Variants in BCAN observed in about 807,000 individuals in gnomAD.
The protein encoded by BCAN is brevican.
A neutral mutation model predicts 92.4 loss-of-function variants in BCAN; 51 were observed. The observed-to-expected ratio is 0.55, with a 90% CI of 0.44 to 0.70. The LOEUF (loss-of-function observed/expected upper bound fraction) is 0.70, where lower values mean the gene tolerates loss of function less well. BCAN is among the 30% of genes least tolerant of loss of function. The pLI, the probability that BCAN is intolerant of heterozygous loss-of-function variation, is 0.00. For synonymous variants in BCAN, 501 were observed against 505.2 expected (o/e 0.99, Z 0.11); for missense variants, 1,140 against 1,212.1 (o/e 0.94, Z 0.88).
In BCAN at chr1:156,655,841, T is replaced by C. The variant is rs147938168; in HGVS notation, c.1943-441T>C. 2.0e-4 allele frequency among the ~76,000 whole-genome samples: 31 copies of C among 152,342 alleles called. No homozygotes were observed. The East Asian group carries it at 4.6e-3, about 23-fold the overall frequency. Reference sequence around the variant, plus strand: ...GACTATACAGAACTGTGCTGGGACCTGGCACAAAGACAAGGGGGTGTGGCA... The same window carrying C: ...GACTATACAGAACTGTGCTGGGACCCGGCACAAAGACAAGGGGGTGTGGCA... On this transcript the variant is annotated intron_variant, in intron 8 of 13. Transcript: ENST00000329117.
At chr1:156,657,493 C>T (rs995250126) in intron 10 of BCAN, 182 bp from the exon 11 acceptor site, 1 of 568,626 alleles carries the variant, frequency 1.8e-6, no homozygotes. Context: ...CTTATTCTCC[C>T]ACCCCCATTC....
chr1:156,656,011 C>T (rs1571450941), intron 8 of BCAN, among the ~76,000 whole-genome samples: 1 of 152,330 alleles, frequency 6.6e-6, no homozygotes, highest in South Asian at 2.1e-4. Context: ...CTCTTCTCCC[C>T]AGCCCCTTTT....
At chr1:156,657,515 A>C (rs889457076) in intron 10 of BCAN, 160 bp from the exon 11 acceptor site, 3 of 584,396 alleles carry the variant, frequency 5.1e-6, no homozygotes, top group Non-Finnish European at 9.0e-6. Flanking sequence ...CCTGCTTTCC[A>C]TCTGGCCCTT....
intron 1 of BCAN, among the ~76,000 whole-genome samples, chr1:156,645,178 C>T (rs531385465): frequency 3.3e-5 from 5 of 152,176 alleles, no homozygotes; most frequent in Non-Finnish European, 5.9e-5. Context: ...ATTCTCCCCC[C>T]CCTTAGTCCA....
chr1:156,651,818 G>T lies in BCAN; in HGVS notation c.1297+129G>T, dbSNP rs1679175176. The T allele has an allele frequency of 7.2e-6, 6 of 838,774 alleles. No homozygotes were observed. The East Asian group carries it at 1.0e-4, about 14-fold the overall frequency. 52.0% of individuals were successfully genotyped at this position (838,774 alleles called of 1,614,324 possible). On this transcript the variant is annotated intron_variant, in intron 7 of 13. Coordinates refer to ENST00000329117, the MANE Select transcript of BCAN (RefSeq NM_021948.5). ...CCTGTCCTTTCTCAGTAGCTCAGGG[G>T]TGCAGGGCACCTTTCCTGTCCCTCT...
chr1:156,650,760 C>T (rs981222262), intron 6 of BCAN, among the ~76,000 whole-genome samples: 11 of 152,064 alleles, frequency 7.2e-5, no homozygotes, highest in African/African-American at 1.4e-4. Context: ...CTGGCAAACA[C>T]GGGGAAACCC....
At chr1:156,651,146 C>G (rs1248301021) in intron 6 of BCAN, among the ~76,000 whole-genome samples, 1 of 152,190 alleles carries the variant, frequency 6.6e-6, no homozygotes, top group African/African-American at 2.4e-5. Context: ...TGTTCTTTAT[C>G]TTGTAAGATT....
rs556530051 is a variant in BCAN, at chr1:156,648,606, T to C, written c.808T>C (p.Leu270=). 11 of 1,604,444 alleles carry C rather than the reference T, an allele frequency of 6.9e-6. No homozygotes were observed. The highest frequency in any genetic ancestry group is 1.7e-4 in the Middle Eastern group (1 of 6,022). The change falls in exon 6 of 14, where the codon TTG becomes CTG. Residue 270 remains leucine, a synonymous_variant. Transcript: ENST00000329117. ...FLGDPPEKLT[L]EEARAYCQER... is the part of the protein sequence containing the mutation. Reference sequence around the variant, plus strand: ...GGGTGACCCTCCAGAGAAGCTGACATTGGAGGAAGCACGGGCGTACTGCCA... The same window carrying C: ...GGGTGACCCTCCAGAGAAGCTGACACTGGAGGAAGCACGGGCGTACTGCCA...
Position 156,658,425 on chromosome 1 carries a change from A to T in BCAN, c.2438-118A>T. 1 of 1,465,188 alleles carries T rather than the reference A, an allele frequency of 6.8e-7. No individual in the cohort carries two copies. The highest frequency in any genetic ancestry group is 9.2e-7 in the Non-Finnish European group (1 of 1,089,284). 90.8% of individuals were successfully genotyped at this position (1,465,188 alleles called of 1,614,324 possible). A position where few individuals can be genotyped will look rare whatever the true frequency, so the allele number is the denominator to read the frequency against. On this transcript the variant is annotated intron_variant, in intron 12 of 13. Coordinates refer to ENST00000329117, the MANE Select transcript of BCAN (RefSeq NM_021948.5). The surrounding 1 kb of genome is among the most constrained non-coding windows in gnomAD (Gnocchi z 4.4). ...GAGAGCTAACAAGTTACGTGGGTCC[A>T]CTCGGAATCCCTGATCTTTTTTTGT...
intron 6 of BCAN, among the ~76,000 whole-genome samples, chr1:156,650,306 A>G (rs1329521310): frequency 6.6e-6 from 1 of 152,144 alleles, no homozygotes; most frequent in Non-Finnish European, 1.5e-5. Context: ...TGGAGGACAC[A>G]GGCAGCAAGG....
In BCAN at chr1:156,647,938, C is replaced by T; in HGVS notation, c.642-45C>T. ...AATAGAATCAATATGGGCTGGCTCC[C>T]TGGTGAAAGCATCTGTACTAAGTGA... is the stretch of plus-strand genomic sequence containing the variant. On this transcript the variant is annotated intron_variant, in intron 4 of 13. Coordinates refer to ENST00000329117, the MANE Select transcript of BCAN (RefSeq NM_021948.5). The surrounding 1 kb of genome is among the most constrained non-coding windows in gnomAD (Gnocchi z 4.8). 1 of 1,608,658 alleles carries T rather than the reference C, an allele frequency of 6.2e-7. No individual in the cohort carries two copies. Among genetic ancestry groups the T allele is most frequent in the Non-Finnish European group, 8.5e-7 (1 of 1,175,480 alleles).
In BCAN at chr1:156,658,204, T is replaced by C. The variant is rs2298135; in HGVS notation, c.2370T>C (p.His790=). ...SGENCVVMVW[H]DQGQWSDVPC... is the part of the protein sequence containing the mutation. ...AGAACTGCGTGGTCATGGTGTGGCA[T>C]GATCAGGGACAATGGAGTGACGTGC... is the stretch of plus-strand genomic sequence containing the variant. The change falls in exon 12 of 14, where the codon CAT becomes CAC. Residue 790 remains histidine (H), a synonymous_variant. Coordinates refer to ENST00000329117, the MANE Select transcript of BCAN (RefSeq NM_021948.5). The surrounding 1 kb of genome is among the most constrained non-coding windows in gnomAD (Gnocchi z 4.4). The C allele has an allele frequency of 0.059, 94,852 of 1,613,904 alleles. 5,840 individuals carry two copies. The highest frequency in any genetic ancestry group is 0.29 in the East Asian group (12,800 of 44,824).
rs750438354 is a variant in BCAN at position 156,652,745 on chromosome 1, C to T, written c.1795C>T (p.Arg599Trp). The T allele has an allele frequency of 1.8e-5, 29 of 1,605,208 alleles. No individual in the cohort carries two copies. The highest frequency in any genetic ancestry group is 2.2e-5 in the Non-Finnish European group (26 of 1,174,500). ...TGCCCCTTCCCTGCTTCCAGCCACA[C>T]GGGCCCCTGAGGGTACCAGGGAGCT... ...EGAPSLLPATRAPEGTRELEA... is the reference protein window; with the variant it reads ...EGAPSLLPATWAPEGTRELEA... Residue 599 changes from arginine to tryptophan, a missense_variant, in exon 8 of 14, where the codon CGG (arginine) becomes TGG (tryptophan). Transcript: ENST00000329117.
intron 5 of BCAN, 46 bp downstream of exon 5, chr1:156,648,156 T>A (rs1679048810): frequency 1.9e-6 from 3 of 1,600,466 alleles, no homozygotes; most frequent in Non-Finnish European, 2.6e-6. Context: ...CCTACTCCCA[T>A]GCTGCCCATA....
At chr1:156,656,442 T>A in intron 9 of BCAN, 53 bp downstream of exon 9, 3 of 1,244,064 alleles carry the variant, frequency 2.4e-6, no homozygotes, top group Non-Finnish European at 3.1e-6. Flanking sequence ...TGCCACAACG[T>A]GCTACTTCTG....
At position 156,646,903 on chromosome 1, in the gene BCAN, C is replaced by T. The variant is rs1367632139; in HGVS notation, c.194C>T (p.Pro65Leu). The T allele has an allele frequency of 1.2e-6, 2 of 1,611,174 alleles. No individual in the cohort carries two copies. Among genetic ancestry groups the T allele is most frequent in the Admixed American group, 1.7e-5 (1 of 59,936 alleles). The change falls in exon 3 of 14, where the codon CCG becomes CTG. Residue 65 changes from proline (P) to leucine (L), a missense_variant. Pro to Leu is a moderately conservative substitution (Grantham distance 98). This residue lies in a region of BCAN where 286 missense variants were observed against 284.1 expected (regional missense o/e 1.01). Coordinates refer to ENST00000329117, the MANE Select transcript of BCAN (RefSeq NM_021948.5). ...IPCHVHYLRPPPSRRAVLGSP... is the reference protein window; with the variant it reads ...IPCHVHYLRPLPSRRAVLGSP... ...TGCCACGTCCACTACCTGCGGCCAC[C>T]GCCGAGCCGCCGGGCTGTGCTGGGC...
At position 156,658,414 on chromosome 1, in the gene BCAN, T is replaced by C; in HGVS notation, c.2438-129T>C. ...CCAGACCATGGGAGAGCTAACAAGT[T>C]ACGTGGGTCCACTCGGAATCCCTGA... On this transcript the variant is annotated intron_variant, in intron 12 of 13. Transcript: ENST00000329117. This position sits in a 1 kb window ranked among gnomAD's most constrained non-coding sequence, Gnocchi z 4.4. 2 of 1,458,914 alleles carry C rather than the reference T, an allele frequency of 1.4e-6. No homozygotes were observed. Among genetic ancestry groups the C allele is most frequent in the African/African-American group, 1.4e-5 (1 of 71,344 alleles). 90.4% of individuals were successfully genotyped at this position (1,458,914 alleles called of 1,614,324 possible).
chr1:156,653,214 C>T, intron 8 of BCAN: 1 of 1,304,952 alleles, frequency 7.7e-7, no homozygotes, highest in Non-Finnish European at 9.7e-7. Flanking sequence ...CTCCAAGGGT[C>T]CTCATCACCT....
At position 156,658,633 on chromosome 1, in the gene BCAN, G is replaced by C. The variant is rs369928564; in HGVS notation, c.2528G>C (p.Arg843Pro). Reference protein sequence around the residue: ...RYEVDTVLRYRCREGLAQRNL... With the variant: ...RYEVDTVLRYPCREGLAQRNL... ...GAGGTGGACACTGTGCTTCGCTACC[G>C]GTGCCGGGAAGGACTGGCCCAGCGC... Residue 843 changes from arginine to proline, a missense_variant, in exon 13 of 14, where the codon CGG becomes CCG. Physicochemically the swap from Arg to Pro is moderately radical, Grantham distance 103. Around this residue, in one of 3 missense-constraint regions of BCAN, gnomAD observed 825 missense variants for 871.8 expected, o/e 0.95. Coordinates refer to ENST00000329117, the MANE Select transcript of BCAN (RefSeq NM_021948.5). The surrounding 1 kb of genome is among the most constrained non-coding windows in gnomAD (Gnocchi z 4.4). 2 of 1,614,146 alleles carry C rather than the reference G, an allele frequency of 1.2e-6. No individual in the cohort carries two copies. Among genetic ancestry groups the C allele is most frequent in the East Asian group, 4.5e-5 (2 of 44,884 alleles).
Sources: gnomAD v4.1 joint callset for allele counts (sites outside exome capture counted in the v4.1 genomes callset) on GRCh38, gnomAD v4.1.1 for gene constraint, gnomAD v4.1.1 regional missense constraint, Gnocchi (gnomAD v3.1) non-coding constraint, MANE v1.5 for transcripts, NCBI Gene and HGNC (gene_info 2026-07-23, HGNC 2026-07-21) for gene names.